TEAD1: variants seen among roughly 807,000 people sequenced by gnomAD.
The protein encoded by TEAD1 is TEA domain transcription factor 1.
In TEAD1, 9 loss-of-function variants were observed where a neutral mutation model predicts 54.9. That is an observed-to-expected ratio of 0.16 (90% CI 0.10 to 0.29). The LOEUF is 0.29. Ranked by LOEUF, TEAD1 falls within the 10% of genes least tolerant of loss-of-function variation. TEAD1 has a pLI of 1.00. For missense variants in TEAD1, 387 were observed against 535.9 expected, an observed-to-expected ratio of 0.72 and a Z score of 2.74; for synonymous variants, 200 against 187.8, an observed-to-expected ratio of 1.07 and a Z score of -0.53.
intron 10 of TEAD1, 85 bp downstream of exon 10, chr11:12,902,198 T>G: frequency 5.1e-6 from 8 of 1,566,508 alleles, no homozygotes; most frequent in Non-Finnish European, 7.0e-6. Context: ...ACAGCTGGCT[T>G]TGGATTTACA....
intron 3 of TEAD1, among the ~76,000 whole-genome samples, chr11:12,795,785 T>C (rs1207158235): frequency 6.6e-6 from 1 of 152,218 alleles, no homozygotes; most frequent in African/African-American, 2.4e-5. Flanking sequence ...ATGAAGCACC[T>C]GAATCGGGTA....
chr11:12,757,708 G>T (rs541872173), intron 2 of TEAD1, among the ~76,000 whole-genome samples: 1 of 152,300 alleles, frequency 6.6e-6, no homozygotes, highest in South Asian at 2.1e-4. Context: ...AACTTTGGGT[G>T]TTAATCTCAG....
chr11:12,698,763 A>AT (rs1943638333), intron 2 of TEAD1, among the ~76,000 whole-genome samples: 1 of 152,164 alleles, frequency 6.6e-6, no homozygotes, highest in African/African-American at 2.4e-5. Flanking sequence ...TAGAATCTGC[A>AT]TTTTAATAAA....
At chr11:12,857,127 A>G (rs1268761287) in intron 3 of TEAD1, among the ~76,000 whole-genome samples, 1 of 152,198 alleles carries the variant, frequency 6.6e-6, no homozygotes, top group Non-Finnish European at 1.5e-5. Context: ...TTTAGCAGGA[A>G]ATTCCATGGC....
intron 4 of TEAD1, among the ~76,000 whole-genome samples, chr11:12,864,232 C>G (rs1947566419): frequency 6.6e-6 from 1 of 152,184 alleles, no homozygotes; most frequent in Non-Finnish European, 1.5e-5. Flanking sequence ...GCAGAATGTG[C>G]TAATTTATGG....
chr11:12,676,255 T>G (rs576564627), intron 2 of TEAD1, among the ~76,000 whole-genome samples: 16 of 152,352 alleles, frequency 1.1e-4, no homozygotes, highest in Non-Finnish European at 2.2e-4. Context: ...CCACCTTGGT[T>G]GTTTTTGGAA....
At chr11:12,864,725 C>A (rs1192674790) in intron 4 of TEAD1, 113 bp from the exon 5 acceptor site, 3 of 1,603,752 alleles carry the variant, frequency 1.9e-6, no homozygotes, top group Non-Finnish European at 2.5e-6. Flanking sequence ...AAAGAAAGTT[C>A]GAGAAATTCA....
rs192408021 is a variant in TEAD1 at position 12,857,872 on chromosome 11, C to T, written c.203-4378C>T. Reference sequence around the variant, plus strand: ...GGCCGAGGTGGGCGGATTGCTTGAGCGCAGGAGTTTGAGACCAGCCTGGGC... The same window carrying T: ...GGCCGAGGTGGGCGGATTGCTTGAGTGCAGGAGTTTGAGACCAGCCTGGGC... On this transcript the variant is annotated intron_variant, in intron 3 of 12. Transcript: ENST00000527636. Among the ~76,000 whole-genome samples the T allele has an allele frequency of 2.6e-4, 39 of 152,064 alleles. 1 individual carries two copies. Among genetic ancestry groups the T allele is most frequent in the African/African-American group, 6.0e-4 (25 of 41,480 alleles).
intron 3 of TEAD1, among the ~76,000 whole-genome samples, chr11:12,800,747 A>G (rs576907531): frequency 5.9e-5 from 9 of 152,300 alleles, no homozygotes; most frequent in African/African-American, 2.2e-4. Flanking sequence ...ATCTGGGAAT[A>G]CTGTGGTGGG....
At chr11:12,744,654 T>G (rs1438298527) in intron 2 of TEAD1, among the ~76,000 whole-genome samples, 1 of 152,242 alleles carries the variant, frequency 6.6e-6, no homozygotes, top group Non-Finnish European at 1.5e-5. Context: ...CTATGGGTAT[T>G]AACTTTTATA....
Position 12,876,955 on chromosome 11 carries a change from A to G in TEAD1, c.331-2753A>G, listed in dbSNP as rs375300545. Among the ~76,000 whole-genome samples, 98 of 152,276 alleles carry G rather than the reference A, an allele frequency of 6.4e-4. 1 individual carries two copies. The highest frequency in any genetic ancestry group is 2.1e-3 in the African/African-American group (87 of 41,548). ...TAGATTGCCTGGCACTGAGGTCTGCATGTGTGGGCCCAGTTTGTCAGTTTA... is the reference window on the plus strand; with the variant it reads ...TAGATTGCCTGGCACTGAGGTCTGCGTGTGTGGGCCCAGTTTGTCAGTTTA... On this transcript the variant is annotated intron_variant, in intron 5 of 12. Coordinates refer to ENST00000527636, the MANE Select transcript of TEAD1 (RefSeq NM_021961.6).
intron 9 of TEAD1, 145 bp from the exon 10 acceptor site, chr11:12,901,795 C>T (rs1948430295): frequency 2.2e-6 from 2 of 894,566 alleles, no homozygotes; most frequent in East Asian, 2.4e-5. Flanking sequence ...TCTAAACATA[C>T]TCATCATTTC....
intron 2 of TEAD1, among the ~76,000 whole-genome samples, chr11:12,761,999 G>T (rs912105151): frequency 2.6e-5 from 4 of 152,118 alleles, no homozygotes; most frequent in Admixed American, 2.6e-4. Context: ...AGTTATATGA[G>T]AACATTCTTT....
At chr11:12,762,187 T>C (rs1397324942) in intron 2 of TEAD1, among the ~76,000 whole-genome samples, 1 of 152,186 alleles carries the variant, frequency 6.6e-6, no homozygotes, top group Non-Finnish European at 1.5e-5. Flanking sequence ...TGTGGTTTTG[T>C]GCATGTGTGT....
At chr11:12,741,962 T>C (rs904852820) in intron 2 of TEAD1, among the ~76,000 whole-genome samples, 8 of 152,218 alleles carry the variant, frequency 5.3e-5, no homozygotes, top group Non-Finnish European at 1.0e-4. Flanking sequence ...ACACTTTGTT[T>C]AGAGGGCCTG....
At chr11:12,783,100 G>GTA (rs1945594952) in intron 3 of TEAD1, among the ~76,000 whole-genome samples, 1 of 128,112 alleles carries the variant, frequency 7.8e-6, no homozygotes, top group Non-Finnish European at 1.6e-5. Flanking sequence ...GTAAGGGTTT[G>GTA]TGTGTGTGTG....
At chr11:12,839,466 A>G (rs1946978427) in intron 3 of TEAD1, among the ~76,000 whole-genome samples, 1 of 152,224 alleles carries the variant, frequency 6.6e-6, no homozygotes, top group Non-Finnish European at 1.5e-5. Flanking sequence ...CGAGCTTCAG[A>G]AAGAAATACT....
intron 2 of TEAD1, among the ~76,000 whole-genome samples, chr11:12,709,309 G>T (rs868519516): frequency 2.0e-5 from 3 of 151,572 alleles, no homozygotes; most frequent in African/African-American, 7.3e-5. Context: ...CTGCACTCCA[G>T]CCTGGATGAT....
At chr11:12,749,243 G>A (rs564009254) in intron 2 of TEAD1, among the ~76,000 whole-genome samples, 84 of 152,148 alleles carry the variant, frequency 5.5e-4, no homozygotes, top group Non-Finnish European at 1.0e-3. Flanking sequence ...GCACCTGGAA[G>A]TCTCCCTGAG....
Sources: gnomAD v4.1 joint callset for allele counts (sites outside exome capture counted in the v4.1 genomes callset) on GRCh38, gnomAD v4.1.1 for gene constraint, MANE v1.5 for transcripts, NCBI Gene and HGNC (gene_info 2026-07-23, HGNC 2026-07-21) for gene names.